PCSK2: variants seen among roughly 807,000 people sequenced by gnomAD.
PCSK2 encodes the protein neuroendocrine convertase 2.
PCSK2 carries 14 observed loss-of-function variants against 69.7 expected under a neutral mutation model. The observed-to-expected ratio is 0.20, with a 90% confidence interval of 0.13 to 0.31. The LOEUF (loss-of-function observed/expected upper bound fraction) is 0.31. Ranked by LOEUF, PCSK2 falls within the 10% of genes least tolerant of loss-of-function variation. The pLI is 1.00. For missense variants in PCSK2, 544 were observed against 842.5 expected, an observed-to-expected ratio of 0.65 and a Z score of 4.39; for synonymous variants, 307 against 320.7, an observed-to-expected ratio of 0.96 and a Z score of 0.46.
chr20:17,478,963 T>A (rs1264933905), intron 11 of PCSK2: 11 of 630,202 alleles, frequency 1.7e-5, no homozygotes, highest in Non-Finnish European at 2.5e-5. Context: ...TATTCAGTTT[T>A]TGTTGATAGC....
intron 5 of PCSK2, among the ~76,000 whole-genome samples, chr20:17,393,001 GC>G (rs1472495429): frequency 1.3e-5 from 2 of 152,156 alleles, no homozygotes; most frequent in African/African-American, 4.8e-5. Context: ...GAGTCATGGA[GC>G]CTAGAAAACA....
At chr20:17,243,251 A>T (rs1250361663) in intron 1 of PCSK2, among the ~76,000 whole-genome samples, 2 of 152,212 alleles carry the variant, frequency 1.3e-5, no homozygotes, top group Non-Finnish European at 2.9e-5. Flanking sequence ...CCCAGGCTGG[A>T]GTACAGTGGT....
At chr20:17,415,668 T>C (rs886566686) in intron 6 of PCSK2, among the ~76,000 whole-genome samples, 1 of 152,136 alleles carries the variant, frequency 6.6e-6, no homozygotes, top group African/African-American at 2.4e-5. Context: ...CTTCACAGAA[T>C]TGGAAAAAAA....
intron 1 of PCSK2, among the ~76,000 whole-genome samples, chr20:17,237,772 G>A (rs1312475750): frequency 6.6e-6 from 1 of 152,130 alleles, no homozygotes; most frequent in African/African-American, 2.4e-5. Flanking sequence ...GGAAAGGAAG[G>A]CAGGAATAAA....
intron 2 of PCSK2, among the ~76,000 whole-genome samples, chr20:17,284,666 T>A (rs1200806215): frequency 1.3e-5 from 2 of 152,194 alleles, no homozygotes; most frequent in African/African-American, 2.4e-5. Context: ...TGTTGCCCGA[T>A]GTGCATGGCA....
At chr20:17,407,354 T>C (rs549961682) in intron 5 of PCSK2, among the ~76,000 whole-genome samples, 1 of 152,116 alleles carries the variant, frequency 6.6e-6, no homozygotes, top group South Asian at 2.1e-4. Flanking sequence ...TTTAATTTTT[T>C]CTAAAGAGAA....
chr20:17,295,550 ATATT>A (rs917529969), intron 2 of PCSK2, among the ~76,000 whole-genome samples: 17 of 145,520 alleles, frequency 1.2e-4, no homozygotes, highest in East Asian at 9.9e-4. Context: ...TATATTATAT[ATATT>A]TATTTATTTA....
intron 1 of PCSK2, among the ~76,000 whole-genome samples, chr20:17,254,505 A>G (rs953735779): frequency 3.3e-5 from 5 of 152,202 alleles, no homozygotes; most frequent in African/African-American, 9.6e-5. Context: ...TCAATTGACC[A>G]TAAGTTGATT....
chr20:17,343,838 A>G (rs1166020624), intron 2 of PCSK2, among the ~76,000 whole-genome samples: 3 of 152,240 alleles, frequency 2.0e-5, no homozygotes, highest in Non-Finnish European at 4.4e-5. Context: ...AGAAGCTGGA[A>G]AAGGCAAAAA....
At chr20:17,358,476 C>A in intron 3 of PCSK2, 36 bp downstream of exon 3, 2 of 1,099,910 alleles carry the variant, frequency 1.8e-6, no homozygotes, top group African/African-American at 1.5e-5. Flanking sequence ...CATTTCCCAT[C>A]TTGAGACTCT....
At chr20:17,464,205 TAGGCATG>T (rs761999265) in intron 10 of PCSK2, 4 of 152,150 alleles carry the variant, frequency 2.6e-5, no homozygotes, top group Non-Finnish European at 5.9e-5. Context: ...GATGAGGCCC[TAGGCATG>T]AGATCTTCAA....
At chr20:17,353,230 A>G (rs2030056832) in intron 2 of PCSK2, among the ~76,000 whole-genome samples, 1 of 121,256 alleles carries the variant, frequency 8.2e-6, no homozygotes, top group Non-Finnish European at 1.7e-5. Context: ...TGGGAGGCCA[A>G]GGCGGGCGGA....
At chr20:17,320,518 C>G (rs1989831471) in intron 2 of PCSK2, among the ~76,000 whole-genome samples, 1 of 152,166 alleles carries the variant, frequency 6.6e-6, no homozygotes, top group South Asian at 2.1e-4. Context: ...GGAAGTGAGA[C>G]AGGAAAGGGA....
chr20:17,286,456 C>T (rs1335591399), intron 2 of PCSK2, among the ~76,000 whole-genome samples: 5 of 151,132 alleles, frequency 3.3e-5, no homozygotes, highest in Admixed American at 6.6e-5. Context: ...TGCACAGGAT[C>T]GTTTTTTTGT....
intron 8 of PCSK2, among the ~76,000 whole-genome samples, chr20:17,441,964 T>C (rs900594409): frequency 1.3e-5 from 2 of 151,420 alleles, no homozygotes; most frequent in Non-Finnish European, 2.9e-5. Context: ...TGATGTCATA[T>C]TGGAGTAGGA....
At chr20:17,391,115 G>C (rs971203246) in intron 5 of PCSK2, among the ~76,000 whole-genome samples, 3 of 152,142 alleles carry the variant, frequency 2.0e-5, no homozygotes, top group Non-Finnish European at 2.9e-5. Flanking sequence ...TAAGTTCTTA[G>C]AAGTGAAATT....
chr20:17,296,812 G>T (rs1057171973), intron 2 of PCSK2, among the ~76,000 whole-genome samples: 68 of 152,126 alleles, frequency 4.5e-4, no homozygotes, highest in African/African-American at 1.6e-3. Context: ...CTACTGTAAA[G>T]GTAAGCCACA....
At chr20:17,452,258 T>TGAC (rs11087207) in intron 8 of PCSK2, among the ~76,000 whole-genome samples, 12 of 152,088 alleles carry the variant, frequency 7.9e-5, no homozygotes, top group African/African-American at 2.4e-4. Context: ...ACTGTAGGGA[T>TGAC]ATCTATTTCC....
At chr20:17,238,396 A>C (rs1986423314) in intron 1 of PCSK2, among the ~76,000 whole-genome samples, 1 of 152,198 alleles carries the variant, frequency 6.6e-6, no homozygotes, top group Non-Finnish European at 1.5e-5. Flanking sequence ...ACAAATGATA[A>C]TTATAATTAT....
Sources: gnomAD v4.1 joint callset for allele counts (sites outside exome capture counted in the v4.1 genomes callset) on GRCh38, gnomAD v4.1.1 for gene constraint, MANE v1.5 for transcripts, NCBI Gene and HGNC (gene_info 2026-07-23, HGNC 2026-07-21) for gene names.